Variants in ZNF462 observed in about 807,000 individuals in gnomAD.
ZNF462 encodes the protein zinc finger PBX1-interacting protein.
A neutral mutation model predicts 201.9 loss-of-function variants in ZNF462; 10 were observed. That is an observed-to-expected ratio of 0.05 (90% CI 0.03 to 0.08). The LOEUF is 0.08. Among genes scored for constraint, ZNF462 ranks in the 10% least tolerant of loss-of-function variants. The pLI, the probability that ZNF462 is intolerant of heterozygous loss-of-function variation, is 1.00. For missense variants in ZNF462, 2,523 were observed against 3,168.3 expected, an observed-to-expected ratio of 0.80 and a Z score of 4.89; for synonymous variants, 1,227 against 1,193.3, an observed-to-expected ratio of 1.03 and a Z score of -0.58.
chr9:106,989,331 G>T (rs577831817), intron 10 of ZNF462, among the ~76,000 whole-genome samples: 2 of 152,120 alleles, frequency 1.3e-5, no homozygotes, highest in Non-Finnish European at 2.9e-5. Flanking sequence ...TTTATGTGGT[G>T]TATCACATTT....
At position 106,998,718 on chromosome 9, in the gene ZNF462, C is replaced by T. The variant is rs185884164; in HGVS notation, c.7057-4576C>T. On this transcript the variant is annotated intron_variant, in intron 10 of 12. Coordinates refer to ENST00000277225, the MANE Select transcript of ZNF462 (RefSeq NM_021224.6). ...CACTTCCCAGGTTTAAGCAATTCTCCTGCCTCAGCCTCCCAAGTAGCTGGG... is the reference window on the plus strand; with the variant it reads ...CACTTCCCAGGTTTAAGCAATTCTCTTGCCTCAGCCTCCCAAGTAGCTGGG... Among the ~76,000 whole-genome samples the T allele has an allele frequency of 3.0e-3, 453 of 152,196 alleles. 5 individuals are homozygous for T. The highest frequency in any genetic ancestry group is 0.011 in the African/African-American group (442 of 41,532).
At chr9:106,864,082 CTCTCTCTCTCTCT>C (rs1564062572) in intron 1 of ZNF462, among the ~76,000 whole-genome samples, 14 of 138,412 alleles carry the variant, frequency 1.0e-4, no homozygotes, top group Admixed American at 3.7e-4. Context: ...CTCTCTCTCT[CTCTCTCTCTCTCT>C]CTCTCTCTCT....
In ZNF462 at chr9:106,930,732, T is replaced by G. The variant is rs771223220; in HGVS notation, c.6012+43T>G. 2.5e-6 allele frequency: 4 copies of G among 1,606,812 alleles called. No individual in the cohort carries two copies. The South Asian group carries it at 4.4e-5, about 18-fold the overall frequency. ...TGGATGAGCATTGTGTGTGAGCGAT[T>G]CGAGTTACTTATTAACCCCATTGCC... On this transcript the variant is annotated intron_variant, in intron 4 of 12. Transcript: ENST00000277225. The surrounding 1 kb of genome is among the most constrained non-coding windows in gnomAD (Gnocchi z 5.8).
intron 9 of ZNF462, among the ~76,000 whole-genome samples, chr9:106,982,783 C>T: frequency 6.6e-6 from 1 of 152,254 alleles, no homozygotes; most frequent in Middle Eastern, 3.4e-3. Flanking sequence ...CAGTGACTGC[C>T]CTACAATCAG....
chr9:106,979,708 C>A (rs927957150), intron 9 of ZNF462, among the ~76,000 whole-genome samples: 4 of 152,008 alleles, frequency 2.6e-5, no homozygotes, highest in Non-Finnish European at 4.4e-5. Context: ...GAGGGTATTC[C>A]TATTGAGTTG....
At chr9:106,983,617 A>T (rs991777580) in intron 9 of ZNF462, among the ~76,000 whole-genome samples, 2 of 152,230 alleles carry the variant, frequency 1.3e-5, no homozygotes, top group African/African-American at 4.8e-5. Context: ...TGCCAACTGC[A>T]ATGTCTATGA....
chr9:106,873,489 A>T (rs1278518971), intron 1 of ZNF462, among the ~76,000 whole-genome samples: 1 of 151,724 alleles, frequency 6.6e-6, no homozygotes, highest in Non-Finnish European at 1.5e-5. Context: ...AGTGCCCTGT[A>T]TTGGCTCTGG....
In ZNF462 at chr9:106,984,068, G is replaced by A; in HGVS notation, c.6833-118G>A. 1 of 911,666 alleles carries A rather than the reference G, an allele frequency of 1.1e-6. No homozygotes were observed. The highest frequency in any genetic ancestry group is 1.7e-5 in the South Asian group (1 of 59,418). 56.5% of individuals were successfully genotyped at this position (911,666 alleles called of 1,614,324 possible). ...CAGGGTGCATGTGTGTCAGTTCAAG[G>A]AACCAGATCCACGAGGAGCAGCAAG... On this transcript the variant is annotated intron_variant, in intron 9 of 12. Coordinates refer to ENST00000277225, the MANE Select transcript of ZNF462 (RefSeq NM_021224.6). The surrounding 1 kb of genome is among the most constrained non-coding windows in gnomAD (Gnocchi z 6.4).
intron 9 of ZNF462, chr9:106,976,039 G>A (rs986075316): frequency 2.6e-5 from 4 of 152,168 alleles, no homozygotes; most frequent in African/African-American, 7.2e-5. Context: ...ATAATTTAAT[G>A]TACTTATTTG....
rs183808724 is a variant in ZNF462 at position 106,905,761 on chromosome 9, C to G, written c.-30-17593C>G. ...CTCACCGTGACCCCCGCAACAGCCC[C>G]GAGTCTGTTTCCAGGTGGAGGGCGA... On this transcript the variant is annotated intron_variant, in intron 1 of 12. Transcript: ENST00000277225. The surrounding 1 kb of genome is among the most constrained non-coding windows in gnomAD (Gnocchi z 5.9). 6.6e-6 allele frequency among the ~76,000 whole-genome samples: 1 copy of G among 152,108 alleles called. No homozygotes were observed.
Position 106,925,808 on chromosome 9 carries a change from C to T in ZNF462, c.1896C>T (p.Phe632=), listed in dbSNP as rs766772257. The T allele has an allele frequency of 6.8e-6, 11 of 1,614,192 alleles. No homozygotes were observed. Among genetic ancestry groups the T allele is most frequent in the East Asian group, 4.5e-5 (2 of 44,880 alleles). ...CATTCTGTGACAACTTGCCAAAATT[C>T]GAGGGGCAGCCCTCAAGCCTACCAT... ...KHSFCDNLPK[F]EGQPSSLPLE... Residue 632 remains phenylalanine (F), a synonymous_variant, in exon 3 of 13, where the codon TTC becomes TTT. Coordinates refer to ENST00000277225, the MANE Select transcript of ZNF462 (RefSeq NM_021224.6). This position sits in a 1 kb window ranked among gnomAD's most constrained non-coding sequence, Gnocchi z 7.9.
chr9:107,007,482 A>G (rs556188828), intron 11 of ZNF462, among the ~76,000 whole-genome samples: 1 of 152,284 alleles, frequency 6.6e-6, no homozygotes, highest in East Asian at 1.9e-4. Context: ...AAAAGCCCTC[A>G]GGGTGGAGAA....
intron 8 of ZNF462, among the ~76,000 whole-genome samples, chr9:106,973,170 A>G (rs1363102482): frequency 6.6e-6 from 1 of 152,192 alleles, no homozygotes; most frequent in African/African-American, 2.4e-5. Context: ...ATAGAAAGCT[A>G]TTATAATAAT....
chr9:106,867,587 A>C (rs1827395721), intron 1 of ZNF462, among the ~76,000 whole-genome samples: 1 of 150,454 alleles, frequency 6.6e-6, no homozygotes, highest in Non-Finnish European at 1.5e-5. Context: ...AAAAAAAAAA[A>C]CAAACTTATC....
At chr9:106,892,407 A>G (rs1828618144) in intron 1 of ZNF462, among the ~76,000 whole-genome samples, 1 of 152,112 alleles carries the variant, frequency 6.6e-6, no homozygotes, top group Admixed American at 6.6e-5. Flanking sequence ...TTGTCACACA[A>G]CCTGCACATC....
chr9:106,943,715 A>G (rs191545430), intron 7 of ZNF462, among the ~76,000 whole-genome samples: 1 of 152,260 alleles, frequency 6.6e-6, no homozygotes, highest in East Asian at 1.9e-4. Context: ...ATTTTCCAAT[A>G]TGGACAGTTA....
At position 106,919,415 on chromosome 9, in the gene ZNF462, A is replaced by G. The variant is rs1410336104; in HGVS notation, c.-30-3939A>G. On this transcript the variant is annotated intron_variant, in intron 1 of 12. Transcript: ENST00000277225. This position sits in a 1 kb window ranked among gnomAD's most constrained non-coding sequence, Gnocchi z 4.5. ...GATCTCTGGAATTCTGAGCACAGAA[A>G]GTAGGTGGGCAGGTGGTATAAATTA... Among the ~76,000 whole-genome samples the G allele has an allele frequency of 6.6e-6, 1 of 152,226 alleles. No individual in the cohort carries two copies. Among genetic ancestry groups the G allele is most frequent in the Non-Finnish European group, 1.5e-5 (1 of 68,036 alleles).
rs745724742 is a variant in ZNF462, at chr9:106,927,019, C to T, written c.3107C>T (p.Ser1036Leu). Residue 1036 changes from serine (S) to leucine (L), a missense_variant, in exon 3 of 13, where the codon TCG (serine) becomes TTG (leucine). Around this residue, in one of 15 missense-constraint regions of ZNF462, gnomAD observed 280 missense variants for 321.3 expected, o/e 0.87. Coordinates refer to ENST00000277225, the MANE Select transcript of ZNF462 (RefSeq NM_021224.6). The stretch of plus-strand genomic sequence containing the variant: ...GTTGTTTATGATTGTGATGTTTGTT[C>T]GTTTGCAAGCCCCAACATGCATTCT... ...TVVVYDCDVCSFASPNMHSVL... is the reference protein window; with the variant it reads ...TVVVYDCDVCLFASPNMHSVL... 3 of 1,614,090 alleles carry T rather than the reference C, an allele frequency of 1.9e-6. No individual in the cohort carries two copies. The highest frequency in any genetic ancestry group is 1.7e-6 in the Non-Finnish European group (2 of 1,179,988).
intron 1 of ZNF462, among the ~76,000 whole-genome samples, chr9:106,900,452 C>A (rs1829017465): frequency 6.6e-6 from 1 of 152,052 alleles, no homozygotes; most frequent in Admixed American, 6.6e-5. Flanking sequence ...CTTTAAGGAT[C>A]TCCACACTGT....
Sources: allele counts gnomAD v4.1 joint callset (sites outside exome capture counted in the v4.1 genomes callset), GRCh38; gene constraint gnomAD v4.1.1; regional missense constraint gnomAD v4.1.1; non-coding constraint Gnocchi (gnomAD v3.1); transcripts MANE v1.5; gene names NCBI Gene and HGNC (gene_info 2026-07-23, HGNC 2026-07-21).